Variants in ASTN2 observed in about 807,000 individuals in gnomAD.
The protein encoded by ASTN2 is astrotactin-2.
In ASTN2, 54 loss-of-function variants were observed where a neutral mutation model predicts 139.8. That is an observed-to-expected ratio of 0.39 (90% CI 0.31 to 0.48). The LOEUF (loss-of-function observed/expected upper bound fraction) is 0.48, where lower values mean the gene tolerates loss of function less well. ASTN2 is among the 20% of genes least tolerant of loss of function. The pLI is 0.95. For synonymous variants in ASTN2, 756 were observed against 719.5 expected (o/e 1.05, Z -0.81); for missense variants, 1,565 against 1,725.1 (o/e 0.91, Z 1.64).
chr9:117,244,239 G>T (rs1434201700), intron 2 of ASTN2, among the ~76,000 whole-genome samples: 1 of 151,932 alleles, frequency 6.6e-6, no homozygotes, highest in African/African-American at 2.4e-5. Context: ...ACCCTGTTTT[G>T]GGTACTTTGT....
At chr9:116,470,472 A>C (rs986326414) in intron 20 of ASTN2, among the ~76,000 whole-genome samples, 2 of 152,130 alleles carry the variant, frequency 1.3e-5, no homozygotes, top group Non-Finnish European at 2.9e-5. Flanking sequence ...GCTTTTGGTA[A>C]ATTTTTTTGA....
chr9:116,491,324 T>C (rs891639138), intron 19 of ASTN2, among the ~76,000 whole-genome samples: 1 of 152,214 alleles, frequency 6.6e-6, no homozygotes, highest in Non-Finnish European at 1.5e-5. Context: ...GAGGTTAATG[T>C]TGCAGTTAAA....
intron 12 of ASTN2, among the ~76,000 whole-genome samples, chr9:116,809,760 A>G (rs1378196078): frequency 1.3e-5 from 2 of 152,176 alleles, no homozygotes; most frequent in Non-Finnish European, 2.9e-5. Flanking sequence ...CGCTTCTGAT[A>G]AGTGTGACAA....
At position 117,271,913 on chromosome 9, in the gene ASTN2, A is replaced by G. The variant is rs181230412; in HGVS notation, c.630+19413T>C. On this transcript the variant is annotated intron_variant, in intron 2 of 22. Coordinates refer to ENST00000313400, the MANE Select transcript of ASTN2 (RefSeq NM_001365068.1). ...GCCATTGAGTGTCTGCAGCTTTTCC[A>G]GGTGCACTGCACAAGCTGTTGATGG... is the stretch of plus-strand genomic sequence containing the variant. Among the ~76,000 whole-genome samples, 66 of 152,228 alleles carry G rather than the reference A, an allele frequency of 4.3e-4. No homozygotes were observed. The Middle Eastern group carries it at 0.01, about 24-fold the overall frequency.
At chr9:116,718,393 A>G (rs1828373547) in intron 16 of ASTN2, among the ~76,000 whole-genome samples, 1 of 152,188 alleles carries the variant, frequency 6.6e-6, no homozygotes, top group Admixed American at 6.5e-5. Context: ...GGAATTTGCA[A>G]ATTATCCTCA....
chr9:116,974,914 A>T (rs1159688522), intron 10 of ASTN2, among the ~76,000 whole-genome samples: 1 of 152,192 alleles, frequency 6.6e-6, no homozygotes, highest in Non-Finnish European at 1.5e-5. Flanking sequence ...ACTCTCCAAC[A>T]TACTGTTAAG....
At chr9:117,173,655 T>G (rs890510424) in intron 3 of ASTN2, among the ~76,000 whole-genome samples, 1 of 151,726 alleles carries the variant, frequency 6.6e-6, no homozygotes, top group Non-Finnish European at 1.5e-5. Context: ...AATAAAAAAA[T>G]AGAATTAAAC....
intron 3 of ASTN2, among the ~76,000 whole-genome samples, chr9:117,148,807 G>A (rs10983548): frequency 0.22 from 34,013 of 151,952 alleles, 3,877 homozygotes; most frequent in South Asian, 0.29. Context: ...TCTCCATACT[G>A]TGCATGAGCC....
chr9:116,472,429 T>C (rs528189695), intron 20 of ASTN2, among the ~76,000 whole-genome samples: 1 of 152,176 alleles, frequency 6.6e-6, no homozygotes, highest in Non-Finnish European at 1.5e-5. Flanking sequence ...ATGCCTTTAT[T>C]ATGGGGCAAA....
chr9:116,732,141 T>C (rs1828801879), intron 14 of ASTN2, among the ~76,000 whole-genome samples: 1 of 152,228 alleles, frequency 6.6e-6, no homozygotes, highest in Admixed American at 6.5e-5. Flanking sequence ...TGATGTAAGA[T>C]AGTGGATATG....
intron 19 of ASTN2, among the ~76,000 whole-genome samples, chr9:116,552,738 A>T (rs1233659431): frequency 6.6e-6 from 1 of 152,212 alleles, no homozygotes; most frequent in Admixed American, 6.5e-5. Context: ...GAGTCAAAGC[A>T]AAAATAAAGA....
chr9:117,212,186 T>C (rs1564481667), intron 3 of ASTN2, among the ~76,000 whole-genome samples: 1 of 152,144 alleles, frequency 6.6e-6, no homozygotes, highest in Admixed American at 6.5e-5. Flanking sequence ...CAGTAAATCA[T>C]GCTGAGAAAA....
intron 3 of ASTN2, among the ~76,000 whole-genome samples, chr9:117,161,939 G>A (rs1830563104): frequency 6.6e-6 from 1 of 151,832 alleles, no homozygotes; most frequent in South Asian, 2.1e-4. Context: ...TAATAGCCAT[G>A]TATGACATAT....
At chr9:116,599,482 T>C (rs964356317) in intron 19 of ASTN2, among the ~76,000 whole-genome samples, 5 of 152,242 alleles carry the variant, frequency 3.3e-5, no homozygotes, top group African/African-American at 1.2e-4. Context: ...AGACAACATA[T>C]ATCATTTCAT....
intron 19 of ASTN2, among the ~76,000 whole-genome samples, chr9:116,602,090 T>C (rs1386423696): frequency 1.3e-5 from 2 of 152,172 alleles, no homozygotes. Flanking sequence ...CCCTGTAGAA[T>C]GCATAGAGAT....
chr9:117,139,487 C>T (rs1416281734), intron 4 of ASTN2, among the ~76,000 whole-genome samples: 1 of 152,108 alleles, frequency 6.6e-6, no homozygotes, highest in Non-Finnish European at 1.5e-5. Flanking sequence ...CTGGGGTTTC[C>T]CATATGAGTT....
intron 10 of ASTN2, among the ~76,000 whole-genome samples, chr9:116,916,509 C>T (rs971284348): frequency 2.6e-5 from 4 of 152,182 alleles, no homozygotes; most frequent in South Asian, 2.1e-4. Context: ...CCGTCTGACA[C>T]CAACACCTGG....
In ASTN2 at chr9:117,414,651, GGCCCCGGTCCCA is replaced by G. The variant is rs1831276207; in HGVS notation, c.276_287del (p.Thr94_Gly97del). On this transcript the variant is annotated inframe_deletion, in exon 1 of 23. Coordinates refer to ENST00000313400, the MANE Select transcript of ASTN2 (RefSeq NM_001365068.1). The surrounding 1 kb of genome is among the most constrained non-coding windows in gnomAD (Gnocchi z 4.2). The stretch of plus-strand genomic sequence containing the variant: ...GGGACGCGGCGGCGGCGGCGGCTCC[GGCCCCGGTCCCA>G]GCCCCGGCCCCGGCGCGGGCGCCGC... The G allele has an allele frequency of 1.5e-6, 2 of 1,361,368 alleles. No individual in the cohort carries two copies. The highest frequency in any genetic ancestry group is 9.4e-7 in the Non-Finnish European group (1 of 1,062,982). 84.3% of individuals were successfully genotyped at this position (1,361,368 alleles called of 1,614,324 possible).
At chr9:117,370,713 T>C (rs1361481336) in intron 1 of ASTN2, among the ~76,000 whole-genome samples, 1 of 152,112 alleles carries the variant, frequency 6.6e-6, no homozygotes, top group Non-Finnish European at 1.5e-5. Flanking sequence ...CAAACTCTTT[T>C]TTTTCCCCCT....
Sources: gnomAD v4.1 joint callset for allele counts (sites outside exome capture counted in the v4.1 genomes callset) on GRCh38, gnomAD v4.1.1 for gene constraint, Gnocchi (gnomAD v3.1) non-coding constraint, MANE v1.5 for transcripts, NCBI Gene and HGNC (gene_info 2026-07-23, HGNC 2026-07-21) for gene names.